The following SULF1 variants were observed in gnomAD, a reference collection of about 807,000 sequenced individuals.
SULF1 encodes the protein extracellular sulfatase Sulf-1.
A neutral mutation model predicts 110.5 loss-of-function variants in SULF1; 46 were observed. The ratio of observed to expected loss-of-function variants is 0.42; its 90% confidence interval spans 0.33 to 0.53. SULF1 has a LOEUF of 0.53. Ranked by LOEUF, SULF1 falls within the 20% of genes least tolerant of loss-of-function variation. The probability of loss-of-function intolerance (pLI) is 0.12; values close to 1 mark genes in which losing one functional copy is unlikely to be tolerated. For synonymous variants in SULF1, 371 were observed against 387.1 expected (o/e 0.96, Z 0.49); for missense variants, 941 against 1,094.2 (o/e 0.86, Z 1.98).
intron 22 of SULF1, among the ~76,000 whole-genome samples, chr8:69,651,823 GT>G (rs1374277412): frequency 1.1e-4 from 17 of 151,906 alleles, no homozygotes; most frequent in Non-Finnish European, 2.9e-5. Context: ...TTTCCTTTTT[GT>G]TTTTACCAGC....
intron 1 of SULF1, among the ~76,000 whole-genome samples, chr8:69,483,710 A>G (rs1809594908): frequency 6.6e-6 from 1 of 152,084 alleles, no homozygotes; most frequent in African/African-American, 2.4e-5. Context: ...GATCACGTGA[A>G]CCTTAGAGTT....
chr8:69,521,485 G>T (rs1442218810), intron 3 of SULF1, among the ~76,000 whole-genome samples: 3 of 152,186 alleles, frequency 2.0e-5, no homozygotes. Context: ...ACAAAGACTT[G>T]AAGGAGTGAG....
intron 8 of SULF1, among the ~76,000 whole-genome samples, chr8:69,593,218 T>A (rs893271202): frequency 6.6e-6 from 1 of 152,148 alleles, no homozygotes; most frequent in Non-Finnish European, 1.5e-5. Flanking sequence ...CAGAGTTCAG[T>A]CTTCAGACAA....
chr8:69,496,874 G>A (rs1293468424), intron 2 of SULF1, among the ~76,000 whole-genome samples: 1 of 152,200 alleles, frequency 6.6e-6, no homozygotes, highest in African/African-American at 2.4e-5. Flanking sequence ...CCAAACTGTT[G>A]CTGGATTTTG....
At chr8:69,606,266 T>C (rs1314742115) in intron 13 of SULF1, among the ~76,000 whole-genome samples, 2 of 152,240 alleles carry the variant, frequency 1.3e-5, no homozygotes, top group African/African-American at 2.4e-5. Flanking sequence ...GGGCTAAAAC[T>C]AAGCCTTCAC....
chr8:69,618,193 A>G (rs972538680), intron 13 of SULF1, among the ~76,000 whole-genome samples: 6 of 152,172 alleles, frequency 3.9e-5, no homozygotes, highest in African/African-American at 1.4e-4. Context: ...AATCATCTCT[A>G]ACTTAGTCCT....
Position 69,624,065 on chromosome 8 carries a change from T to C in SULF1, c.1718T>C (p.Ile573Thr), listed in dbSNP as rs537106769. The C allele has an allele frequency of 1.2e-4, 188 of 1,614,152 alleles. 1 individual carries two copies. In the South Asian group the frequency reaches 2.0e-3, roughly 17 times the overall value. ...EELQVLQPRN[I>T]AKRHDEGHKG... Reference sequence around the variant, plus strand: ...TTGCAAGTGTTGCAACCAAGAAACATTGCTAAGCGTCATGATGAAGGCCAC... The same window carrying C: ...TTGCAAGTGTTGCAACCAAGAAACACTGCTAAGCGTCATGATGAAGGCCAC... Residue 573 changes from isoleucine (I) to threonine (T), a missense_variant, in exon 15 of 23, where the codon ATT (isoleucine) becomes ACT (threonine). Ile to Thr is a moderately conservative substitution (Grantham distance 89). Around this residue, in one of 3 missense-constraint regions of SULF1, gnomAD observed 822 missense variants for 934.3 expected, o/e 0.88. Coordinates refer to ENST00000402687, the MANE Select transcript of SULF1 (RefSeq NM_001128205.2).
intron 6 of SULF1, 103 bp downstream of exon 6, chr8:69,576,312 A>C (rs1805607525): frequency 5.1e-6 from 7 of 1,376,764 alleles, no homozygotes; most frequent in Non-Finnish European, 6.9e-6. Flanking sequence ...AAATACCTAA[A>C]AAAGGATCAA....
At chr8:69,502,959 TTATAGG>T in intron 3 of SULF1, among the ~76,000 whole-genome samples, 1 of 152,234 alleles carries the variant, frequency 6.6e-6, no homozygotes, top group East Asian at 1.9e-4. Flanking sequence ...ATGGCCGGGA[TTATAGG>T]CGTGAGCCAC....
At chr8:69,610,204 C>G (rs549094437) in intron 13 of SULF1, among the ~76,000 whole-genome samples, 1 of 152,186 alleles carries the variant, frequency 6.6e-6, no homozygotes, top group Non-Finnish European at 1.5e-5. Flanking sequence ...AGGACCCCTG[C>G]ATCAAGCAAG....
chr8:69,469,742 ATTC>A (rs1156982499), intron 1 of SULF1, among the ~76,000 whole-genome samples: 1 of 152,158 alleles, frequency 6.6e-6, no homozygotes, highest in African/African-American at 2.4e-5. Context: ...AAATGGGTTT[ATTC>A]TTTAAAAATC....
chr8:69,503,809 C>A (rs1263803236), intron 3 of SULF1, among the ~76,000 whole-genome samples: 1 of 147,316 alleles, frequency 6.8e-6, no homozygotes, highest in Non-Finnish European at 1.5e-5. Context: ...TTTTTTTTTT[C>A]TTTTCAAAAC....
chr8:69,523,655 G>A (rs1000067588), intron 3 of SULF1, among the ~76,000 whole-genome samples: 7 of 152,062 alleles, frequency 4.6e-5, no homozygotes, highest in African/African-American at 1.7e-4. Context: ...AAGGACTGAT[G>A]ATAATGACTG....
intron 1 of SULF1, among the ~76,000 whole-genome samples, chr8:69,471,981 G>A (rs1228780675): frequency 6.8e-6 from 1 of 146,106 alleles, no homozygotes; most frequent in Non-Finnish European, 1.5e-5. Flanking sequence ...AGGAGGGAGA[G>A]AGCAAGGGAG....
chr8:69,614,172 T>C (rs947534804), intron 13 of SULF1, among the ~76,000 whole-genome samples: 18 of 152,220 alleles, frequency 1.2e-4, no homozygotes, highest in African/African-American at 4.1e-4. Flanking sequence ...TTATCGCTAA[T>C]GCTCATAACT....
intron 3 of SULF1, among the ~76,000 whole-genome samples, chr8:69,550,188 CTT>C (rs1358950807): frequency 6.6e-6 from 1 of 151,654 alleles, no homozygotes; most frequent in Non-Finnish European, 1.5e-5. Context: ...TGAAGGAAGA[CTT>C]TGGTGTGGTG....
chr8:69,580,094 G>A (rs1805958187), intron 6 of SULF1, among the ~76,000 whole-genome samples: 1 of 152,142 alleles, frequency 6.6e-6, no homozygotes, highest in South Asian at 2.1e-4. Context: ...TGTATGACAT[G>A]AGTTTTCTCT....
At chr8:69,606,021 A>G (rs1050232495) in intron 13 of SULF1, among the ~76,000 whole-genome samples, 1 of 152,238 alleles carries the variant, frequency 6.6e-6, no homozygotes, top group Admixed American at 6.5e-5. Flanking sequence ...ACCTCTAGAT[A>G]TCCACACAAT....
chr8:69,576,125 G>A lies in SULF1; in HGVS notation c.328G>A (p.Glu110Lys), dbSNP rs541390594. Residue 110 changes from glutamate (E) to lysine (K), a missense_variant, in exon 6 of 23, where the codon GAG becomes AAG. Physicochemically the swap from Glu to Lys is moderately conservative, Grantham distance 56. This residue lies in a region of SULF1 where 822 missense variants were observed against 934.3 expected (regional missense o/e 0.88). Transcript: ENST00000402687. ...CAATCACAATGTCTACACCAACAAC[G>A]AGAACTGCTCTTCCCCCTCGTGGCA... ...VHNHNVYTNN[E>K]NCSSPSWQAM... 3.1e-6 allele frequency: 5 copies of A among 1,614,156 alleles called. No homozygotes were observed. Among genetic ancestry groups the A allele is most frequent in the Middle Eastern group, 1.6e-4 (1 of 6,062 alleles).
Sources: gnomAD v4.1 joint callset for allele counts (sites outside exome capture counted in the v4.1 genomes callset) on GRCh38, gnomAD v4.1.1 for gene constraint, gnomAD v4.1.1 regional missense constraint, MANE v1.5 for transcripts, NCBI Gene and HGNC (gene_info 2026-07-23, HGNC 2026-07-21) for gene names.